The following TADA1 variants were observed in gnomAD, a reference collection of about 807,000 sequenced individuals.
TADA1 encodes transcriptional adaptor 1.
A neutral mutation model predicts 39.3 loss-of-function variants in TADA1; 23 were observed. The ratio of observed to expected loss-of-function variants is 0.58; its 90% CI spans 0.42 to 0.83. The LOEUF is 0.83. Ranked by LOEUF, TADA1 falls within the 40% of genes least tolerant of loss-of-function variation. The pLI is 0.00. For synonymous variants in TADA1, 137 were observed against 151.8 expected (o/e 0.90, Z 0.72); for missense variants, 352 against 408.1 (o/e 0.86, Z 1.18).
intron 1 of TADA1, among the ~76,000 whole-genome samples, chr1:166,872,667 T>C (rs530048220): frequency 6.5e-4 from 99 of 151,350 alleles, no homozygotes; most frequent in Middle Eastern, 6.8e-3. Flanking sequence ...AGCAAAACTC[T>C]GTCTCCAAAA....
intron 3 of TADA1, among the ~76,000 whole-genome samples, chr1:166,864,194 G>A (rs1051334680): frequency 7.2e-5 from 11 of 152,100 alleles, no homozygotes; most frequent in African/African-American, 2.7e-4. Context: ...TTTATTAGCA[G>A]TAGTATTATT....
chr1:166,864,420 G>C lies in TADA1; in HGVS notation c.233-499C>G, dbSNP rs201641041. Among the ~76,000 whole-genome samples, 5 of 152,268 alleles carry C rather than the reference G, an allele frequency of 3.3e-5. No individual in the cohort carries two copies. The East Asian group carries it at 9.6e-4, about 29-fold the overall frequency. On this transcript the variant is annotated intron_variant, in intron 3 of 7. Transcript: ENST00000367874. Reference sequence around the variant, plus strand: ...TGCAGACTCGTGAAGCAGACCCATAGAAGCTGTAACCTAGGCTAGGCAAGG... The same window carrying C: ...TGCAGACTCGTGAAGCAGACCCATACAAGCTGTAACCTAGGCTAGGCAAGG...
chr1:166,858,812 TAAA>T (rs1452541234), intron 6 of TADA1, among the ~76,000 whole-genome samples: 1 of 152,130 alleles, frequency 6.6e-6, no homozygotes, highest in East Asian at 1.9e-4. Flanking sequence ...TATCTAGAGG[TAAA>T]ACAAAAGAGT....
intron 3 of TADA1, among the ~76,000 whole-genome samples, chr1:166,867,825 C>A (rs1658570296): frequency 6.6e-6 from 1 of 151,784 alleles, no homozygotes; most frequent in Admixed American, 6.6e-5. Context: ...AGTGACCCGC[C>A]CGCCTCAGCC....
At chr1:166,871,828 C>T (rs917261774) in intron 1 of TADA1, among the ~76,000 whole-genome samples, 1 of 151,760 alleles carries the variant, frequency 6.6e-6, no homozygotes, top group East Asian at 1.9e-4. Flanking sequence ...TTCTATCCAA[C>T]AACAACAAAA....
chr1:166,875,606 C>G (rs1323536529), intron 1 of TADA1, among the ~76,000 whole-genome samples: 1 of 152,260 alleles, frequency 6.6e-6, no homozygotes, highest in African/African-American at 2.4e-5. Context: ...ATGTCCGCTA[C>G]TGCTATCATC....
At position 166,863,747 on chromosome 1, in the gene TADA1, A is replaced by G. The variant is rs1272653535; in HGVS notation, c.330+77T>C. 2.3e-6 allele frequency: 3 copies of G among 1,303,682 alleles called. No individual in the cohort carries two copies. The East Asian group carries it at 7.0e-5, about 30-fold the overall frequency. The allele number at this position is 1,303,682 out of a possible 1,614,324, so 80.8% of individuals were successfully genotyped here. A position where few individuals can be genotyped will look rare whatever the true frequency, so the allele number is the denominator to read the frequency against. ...CTCTACTACCAGTATTTTAATATTC[A>G]TTTAAAAACTAAAGCTAGTCCCAAC... is the stretch of plus-strand genomic sequence containing the variant. On this transcript the variant is annotated intron_variant, in intron 4 of 7. Coordinates refer to ENST00000367874, the MANE Select transcript of TADA1 (RefSeq NM_053053.4).
At chr1:166,860,071 C>A in intron 6 of TADA1, 115 bp downstream of exon 6, 1 of 1,005,528 alleles carries the variant, frequency 9.9e-7, no homozygotes, top group Non-Finnish European at 1.4e-6. Flanking sequence ...AATTGTACTC[C>A]TATTAAAGGT....
intron 3 of TADA1, among the ~76,000 whole-genome samples, chr1:166,866,744 ATT>A (rs1236304248): frequency 6.9e-6 from 1 of 145,488 alleles, no homozygotes; most frequent in Admixed American, 6.8e-5. Flanking sequence ...AATTTTTTTT[ATT>A]TTTATTTTTT....
At position 166,857,393 on chromosome 1, in the gene TADA1, A is replaced by G. The variant is rs202237760; in HGVS notation, c.*174T>C. 2 of 724,444 alleles carry G rather than the reference A, an allele frequency of 2.8e-6. No individual in the cohort carries two copies. The highest frequency in any genetic ancestry group is 5.5e-5 in the East Asian group (2 of 36,468). The allele number at this position is 724,444 out of a possible 1,614,324, so 44.9% of individuals were successfully genotyped here. A position where few individuals can be genotyped will look rare whatever the true frequency, so the allele number is the denominator to read the frequency against. On this transcript the variant is annotated 3_prime_UTR_variant, in exon 8 of 8. Coordinates refer to ENST00000367874, the MANE Select transcript of TADA1 (RefSeq NM_053053.4). ...CATATAGAGATATGGGTCATTACCA[A>G]AGATTTATATTAATGGCTTCACAAC...
rs1658290440 is a variant in TADA1 at position 166,856,888 on chromosome 1, T to C, written c.*679A>G. The C allele has an allele frequency of 6.6e-6, 1 of 152,342 alleles. No homozygotes were observed. The highest frequency in any genetic ancestry group is 6.5e-5 in the Admixed American group (1 of 15,280). The allele number at this position is 152,342 out of a possible 1,614,324, so 9.4% of individuals were successfully genotyped here. ...AGTTTTTGGGCATATTTAACAAAAC[T>C]TGAGTCATGGGAAGACATAAAGTTA... On this transcript the variant is annotated 3_prime_UTR_variant, in exon 8 of 8. Transcript: ENST00000367874.
At chr1:166,864,240 T>G (rs143561816) in intron 3 of TADA1, among the ~76,000 whole-genome samples, 1 of 152,202 alleles carries the variant, frequency 6.6e-6, no homozygotes, top group Non-Finnish European at 1.5e-5. Context: ...TCTAAGATGA[T>G]GAACTGAGCA....
intron 2 of TADA1, 21 bp from the exon 3 acceptor site, chr1:166,869,531 A>G: frequency 1.2e-6 from 2 of 1,611,232 alleles, no homozygotes; most frequent in Non-Finnish European, 1.7e-6. Context: ...AAAGATAGTG[A>G]CAATCAAATT....
rs1222317857 is a variant in TADA1, at chr1:166,856,705, T to A, written c.*862A>T. 3.9e-5 allele frequency: 6 copies of A among 152,664 alleles called. No individual in the cohort carries two copies. Among genetic ancestry groups the A allele is most frequent in the Non-Finnish European group, 7.3e-5 (5 of 68,046 alleles). 9.5% of individuals were successfully genotyped at this position (152,664 alleles called of 1,614,324 possible). A position where few individuals can be genotyped will look rare whatever the true frequency, so the allele number is the denominator to read the frequency against. On this transcript the variant is annotated 3_prime_UTR_variant, in exon 8 of 8. Transcript: ENST00000367874. ...ATCTCTTAAGTAGGTTTGTTATCAG[T>A]AACACTATCGAATGTAAATTATTTT...
intron 6 of TADA1, among the ~76,000 whole-genome samples, chr1:166,859,629 AGAC>A (rs1354672161): frequency 6.6e-6 from 1 of 152,152 alleles, no homozygotes; most frequent in Non-Finnish European, 1.5e-5. Flanking sequence ...CTCAATGGGA[AGAC>A]GACACAGGAA....
rs565819477 is a variant in TADA1, at chr1:166,857,571, C to T, written c.1004G>A (p.Cys335Tyr). Residue 335 changes from cysteine to tyrosine, a missense_variant, in exon 8 of 8, where the codon TGC (cysteine) becomes TAC (tyrosine). Cys to Tyr is a radical substitution (Grantham distance 194, BLOSUM62 -2). Around this residue, in one of 3 missense-constraint regions of TADA1, gnomAD observed 285 missense variants for 310.9 expected, o/e 0.92. Transcript: ENST00000367874. ...RLAAKEGLLL[C>Y] ...CCCACACCCTCAAATCCTAATTTAGCACAGCAAAAGCCCCTCCTTGGCTGC... is the reference window on the plus strand; with the variant it reads ...CCCACACCCTCAAATCCTAATTTAGTACAGCAAAAGCCCCTCCTTGGCTGC... 120 of 1,613,814 alleles carry T rather than the reference C, an allele frequency of 7.4e-5. No homozygotes were observed. The South Asian group carries it at 1.2e-3, about 17-fold the overall frequency.
rs1242534551 is a variant in TADA1 at position 166,860,347 on chromosome 1, T to C, written c.541-10A>G. On this transcript the variant is annotated splice_polypyrimidine_tract_variant and intron_variant, in intron 5 of 7. Coordinates refer to ENST00000367874, the MANE Select transcript of TADA1 (RefSeq NM_053053.4). ...TATCTTTAAGGTGATTCTGTAAACA[T>C]ACAAAAAGAAAAATAGCATGATATC... is the stretch of plus-strand genomic sequence containing the variant. The C allele has an allele frequency of 4.4e-6, 7 of 1,576,698 alleles. No homozygotes were observed. Among genetic ancestry groups the C allele is most frequent in the South Asian group, 2.3e-5 (2 of 85,726 alleles).
chr1:166,858,111 A>T lies in TADA1; in HGVS notation c.855+8T>A, dbSNP rs767338535. On this transcript the variant is annotated splice_region_variant and intron_variant, in intron 7 of 7. Transcript: ENST00000367874. The stretch of plus-strand genomic sequence containing the variant: ...AACCTAGGTAAACTTTAAGGAGCCA[A>T]GACTTACCTGCAAAGCTTCAAAAAG... The T allele has an allele frequency of 1.9e-6, 3 of 1,614,044 alleles. No individual in the cohort carries two copies. The South Asian group carries it at 3.3e-5, about 18-fold the overall frequency.
At chr1:166,869,665 C>T in intron 2 of TADA1, 98 bp downstream of exon 2, 1 of 1,491,590 alleles carries the variant, frequency 6.7e-7, no homozygotes, top group South Asian at 1.2e-5. Flanking sequence ...TTATACACCA[C>T]AAAACCAAAA....
Sources: gnomAD v4.1 joint callset for allele counts (sites outside exome capture counted in the v4.1 genomes callset) on GRCh38, gnomAD v4.1.1 for gene constraint, gnomAD v4.1.1 regional missense constraint, MANE v1.5 for transcripts, NCBI Gene and HGNC (gene_info 2026-07-23, HGNC 2026-07-21) for gene names.